The following LRP1 variants were observed in gnomAD, a reference collection of about 807,000 sequenced individuals.
LRP1 encodes the protein prolow-density lipoprotein receptor-related protein 1.
In LRP1, 51 loss-of-function variants were observed where a neutral mutation model predicts 541.5. The ratio of observed to expected loss-of-function variants is 0.09; its 90% CI spans 0.08 to 0.12. The LOEUF (loss-of-function observed/expected upper bound fraction) is 0.12. LRP1 is among the 10% of genes least tolerant of loss of function. The pLI is 1.00. For synonymous variants in LRP1, 2,219 were observed against 2,470.8 expected (o/e 0.90, Z 3.02); for missense variants, 3,878 against 6,376.2 (o/e 0.61, Z 13.34).
chr12:57,210,529 C>T, intron 82 of LRP1, 49 bp downstream of exon 82: 1 of 1,489,032 alleles, frequency 6.7e-7, no homozygotes, highest in Non-Finnish European at 9.0e-7. Context: ...TGGGCCCCAG[C>T]CCCGCCACCC....
chr12:57,183,314 G>A lies in LRP1; in HGVS notation c.5663-65G>A. 1.9e-6 allele frequency: 3 copies of A among 1,539,998 alleles called. No individual in the cohort carries two copies. The East Asian group carries it at 6.8e-5, about 35-fold the overall frequency. ...AGGAGAAGCAGAGAACAGTTGGAGG[G>A]TGACAGGAACCAAGTTTAAGGGAGT... On this transcript the variant is annotated intron_variant, in intron 34 of 88. Transcript: ENST00000243077. The surrounding 1 kb of genome is among the most constrained non-coding windows in gnomAD (Gnocchi z 6.1).
In LRP1 at chr12:57,169,172, G is replaced by T; in HGVS notation, c.3028G>T (p.Gly1010Cys). ...NDCGDNSDEAGCSHSCSSTQF... is the reference protein window; with the variant it reads ...NDCGDNSDEACCSHSCSSTQF... ...CTGTGGGGACAACAGTGACGAAGCCGGCTGCAGCCACTCCTGTTCTAGCAC... is the reference window on the plus strand; with the variant it reads ...CTGTGGGGACAACAGTGACGAAGCCTGCTGCAGCCACTCCTGTTCTAGCAC... Residue 1010 changes from glycine to cysteine, a missense_variant, in exon 20 of 89, where the codon GGC (glycine) becomes TGC (cysteine). Gly to Cys is a radical substitution (Grantham distance 159). Transcript: ENST00000243077. The T allele has an allele frequency of 6.2e-7, 1 of 1,612,368 alleles. No individual in the cohort carries two copies.
Position 57,128,543 on chromosome 12 carries a change from AG to A in LRP1, c.-418del, listed in dbSNP as rs1237006812. The A allele has an allele frequency of 7.6e-5, 29 of 382,258 alleles. No homozygotes were observed. The highest frequency in any genetic ancestry group is 3.2e-5 in the Non-Finnish European group (7 of 216,370). 23.7% of individuals were successfully genotyped at this position (382,258 alleles called of 1,614,324 possible). The stretch of plus-strand genomic sequence containing the variant: ...CCCATGCACTGAGGAGGCGGAAACA[AG>A]GGGAGCCCCCAGAGCTCCATCAAGC... On this transcript the variant is annotated 5_prime_UTR_variant, in exon 1 of 89. Transcript: ENST00000243077.
intron 22 of LRP1, among the ~76,000 whole-genome samples, chr12:57,174,365 G>A (rs992562430): frequency 6.6e-6 from 1 of 152,214 alleles, no homozygotes; most frequent in Non-Finnish European, 1.5e-5. Flanking sequence ...GAGATGCGGA[G>A]TGCTCTTGTG....
chr12:57,166,037 T>C, intron 16 of LRP1, 47 bp from the exon 17 acceptor site: 1 of 1,613,432 alleles, frequency 6.2e-7, no homozygotes, highest in Non-Finnish European at 8.5e-7. Flanking sequence ...GGCAGGAAGC[T>C]GGGGGCACCC....
chr12:57,179,140 G>A lies in LRP1; in HGVS notation c.4738+119G>A, dbSNP rs1003681401. The stretch of plus-strand genomic sequence containing the variant: ...CAGTCGGGAGGGTCCCGATAGGAGA[G>A]GCTCCAGAGACAGCCACTGTGAGAA... On this transcript the variant is annotated intron_variant, in intron 28 of 88. Transcript: ENST00000243077. The surrounding 1 kb of genome is among the most constrained non-coding windows in gnomAD (Gnocchi z 6.8). The A allele has an allele frequency of 7.1e-7, 1 of 1,403,528 alleles. No individual in the cohort carries two copies. Among genetic ancestry groups the A allele is most frequent in the South Asian group, 1.4e-5 (1 of 72,858 alleles). The allele number at this position is 1,403,528 out of a possible 1,614,324, so 86.9% of individuals were successfully genotyped here.
intron 11 of LRP1, among the ~76,000 whole-genome samples, chr12:57,159,237 T>G (rs1001642489): frequency 2.0e-5 from 3 of 152,192 alleles, no homozygotes; most frequent in African/African-American, 4.8e-5. Context: ...ATCTGGTGGA[T>G]GCCAGTTATA....
rs1320498913 is a variant in LRP1 at position 57,205,243 on chromosome 12, A to C, written c.11329A>C (p.Ser3777Arg). The part of the protein sequence containing the change: ...CGDGSDEEDC[S>R]IDPKLTSCAT... ...GGACGGCTCTGACGAGGAGGACTGC[A>C]GCATCGGTGAGGCCCGGCAGCGGAC... Residue 3777 changes from serine to arginine, a missense_variant, in exon 73 of 89, where the codon AGC (serine) becomes CGC (arginine). Physicochemically the swap from Ser to Arg is moderately radical, Grantham distance 110 (BLOSUM62 -1). Transcript: ENST00000243077. This position sits in a 1 kb window ranked among gnomAD's most constrained non-coding sequence, Gnocchi z 4.6. 6.2e-7 allele frequency: 1 copy of C among 1,610,532 alleles called. No homozygotes were observed.
chr12:57,198,106 G>A, intron 58 of LRP1, 50 bp from the exon 59 acceptor site: 1 of 1,518,150 alleles, frequency 6.6e-7, no homozygotes, highest in Non-Finnish European at 9.0e-7. Context: ...AGGCTTGCAG[G>A]TCCTCCCCCA....
rs1462553035 is a variant in LRP1 at position 57,159,816 on chromosome 12, C to T, written c.1799-9C>T. The T allele has an allele frequency of 6.2e-7, 1 of 1,613,526 alleles. No individual in the cohort carries two copies. The highest frequency in any genetic ancestry group is 8.5e-7 in the Non-Finnish European group (1 of 1,179,566). ...AGCTGTTCATCACTGGTCCCTCTTC[C>T]CCCAACAGGCATCCACAATGTGGAG... is the stretch of plus-strand genomic sequence containing the variant. On this transcript the variant is annotated splice_polypyrimidine_tract_variant and intron_variant, in intron 11 of 88. Transcript: ENST00000243077.
At chr12:57,191,990 CACATAGGA>C (rs2036417167) in intron 44 of LRP1, among the ~76,000 whole-genome samples, 1 of 94,956 alleles carries the variant, frequency 1.1e-5, no homozygotes, top group Non-Finnish European at 2.3e-5. Flanking sequence ...ATACACACCA[CACATAGGA>C]CACACATACA....
Position 57,165,451 on chromosome 12 carries a change from G to A in LRP1, c.2531-354G>A, listed in dbSNP as rs1213757134. ...CCAGGGACCGGGGCAGGGCCCTGGG[G>A]TTCCCGGAGATGACTTCCAAGGGGA... On this transcript the variant is annotated intron_variant, in intron 15 of 88. Transcript: ENST00000243077. This position sits in a 1 kb window ranked among gnomAD's most constrained non-coding sequence, Gnocchi z 4.5. 2 of 209,960 alleles carry A rather than the reference G, an allele frequency of 9.5e-6. No individual in the cohort carries two copies. Among genetic ancestry groups the A allele is most frequent in the Non-Finnish European group, 9.7e-6 (1 of 103,342 alleles). The allele number at this position is 209,960 out of a possible 1,614,324, so 13.0% of individuals were successfully genotyped here. A position where few individuals can be genotyped will look rare whatever the true frequency, so the allele number is the denominator to read the frequency against.
Position 57,156,987 on chromosome 12 carries a change from A to C in LRP1, c.1561+67A>C. 1 of 1,472,144 alleles carries C rather than the reference A, an allele frequency of 6.8e-7. No homozygotes were observed. The highest frequency in any genetic ancestry group is 9.1e-7 in the Non-Finnish European group (1 of 1,103,224). 91.2% of individuals were successfully genotyped at this position (1,472,144 alleles called of 1,614,324 possible). ...CGGGAGGGTTCCTCAGGTGTCCCCC[A>C]CAGCCCGGCTGCCTCTGTCTGACAT... On this transcript the variant is annotated intron_variant, in intron 10 of 88. Transcript: ENST00000243077. The surrounding 1 kb of genome is among the most constrained non-coding windows in gnomAD (Gnocchi z 5.2).
chr12:57,196,193 G>T lies in LRP1; in HGVS notation c.8808G>T (p.Glu2936Asp). 1.2e-6 allele frequency: 2 copies of T among 1,611,506 alleles called. No individual in the cohort carries two copies. The highest frequency in any genetic ancestry group is 1.7e-6 in the Non-Finnish European group (2 of 1,179,324). The stretch of plus-strand genomic sequence containing the variant: ...ATGACTGTGGCGACAGCTCGGACGA[G>T]CGTGGCTGCCACATCAATGAGTGTC... ...GQDDCGDSSD[E>D]RGCHINECLS... Residue 2936 changes from glutamate to aspartate, a missense_variant, in exon 55 of 89, where the codon GAG becomes GAT. By Grantham distance (45) the Glu-to-Asp change is conservative (BLOSUM62 2). Around this residue, in one of 13 missense-constraint regions of LRP1, gnomAD observed 1,100 missense variants for 1,827.4 expected, o/e 0.60. Transcript: ENST00000243077.
intron 20 of LRP1, among the ~76,000 whole-genome samples, chr12:57,172,767 C>T (rs2035971674): frequency 6.6e-6 from 1 of 152,204 alleles, no homozygotes; most frequent in Non-Finnish European, 1.5e-5. Context: ...AACCTAAGCT[C>T]CATGAGGGTA....
intron 11 of LRP1, among the ~76,000 whole-genome samples, chr12:57,159,199 G>T (rs2035680995): frequency 6.6e-6 from 1 of 152,172 alleles, no homozygotes; most frequent in Non-Finnish European, 1.5e-5. Flanking sequence ...CTGCACTTGG[G>T]CCTCAGGATC....
In LRP1 at chr12:57,156,690, AG is replaced by A; in HGVS notation, c.1418-82del. ...TAGCAAGCACAAAGACCACAGCAGC[AG>A]GGGGTGTGGTCAGATTCAGGAAGCC... On this transcript the variant is annotated intron_variant, in intron 9 of 88. Coordinates refer to ENST00000243077, the MANE Select transcript of LRP1 (RefSeq NM_002332.3). The surrounding 1 kb of genome is among the most constrained non-coding windows in gnomAD (Gnocchi z 5.2). 5 of 1,393,656 alleles carry A rather than the reference AG, an allele frequency of 3.6e-6. No individual in the cohort carries two copies. The highest frequency in any genetic ancestry group is 1.4e-5 in the South Asian group (1 of 72,278). 86.3% of individuals were successfully genotyped at this position (1,393,656 alleles called of 1,614,324 possible).
At chr12:57,209,992 C>T in intron 80 of LRP1, 37 bp from the exon 81 acceptor site, 1 of 1,587,936 alleles carries the variant, frequency 6.3e-7, no homozygotes, top group Non-Finnish European at 8.6e-7. Context: ...GAGAAGGGTC[C>T]TGCTCAGCAT....
rs1429929504 is a variant in LRP1 at position 57,154,587 on chromosome 12, C to A, written c.1113C>A (p.Gly371=). The A allele has an allele frequency of 4.3e-6, 7 of 1,613,618 alleles. No homozygotes were observed. The African/African-American group carries it at 8.0e-5, about 18-fold the overall frequency. ...ACAGCAAGATTGTGTTTCCTCATGG[C>A]ATCACGCTGGACCTGGTCAGCCGCC... ...LVDSKIVFPH[G]ITLDLVSRLV... is the part of the protein sequence containing the mutation. The change falls in exon 8 of 89, where the codon GGC becomes GGA. Residue 371 remains glycine (G), a synonymous_variant. Transcript: ENST00000243077. The surrounding 1 kb of genome is among the most constrained non-coding windows in gnomAD (Gnocchi z 4.6).
Sources: allele counts gnomAD v4.1 joint callset (sites outside exome capture counted in the v4.1 genomes callset), GRCh38; gene constraint gnomAD v4.1.1; regional missense constraint gnomAD v4.1.1; non-coding constraint Gnocchi (gnomAD v3.1); transcripts MANE v1.5; gene names NCBI Gene and HGNC (gene_info 2026-07-23, HGNC 2026-07-21).